The following ADGRL2 variants were observed in gnomAD, a reference collection of about 807,000 sequenced individuals.
ADGRL2 encodes adhesion G protein-coupled receptor L2, also known as calcium-independent alpha-latrotoxin receptor 2.
A neutral mutation model predicts 157.4 loss-of-function variants in ADGRL2; 44 were observed. The ratio of observed to expected loss-of-function variants is 0.28; its 90% CI spans 0.22 to 0.36. The LOEUF is 0.36. Among genes scored for constraint, ADGRL2 ranks in the 10% least tolerant of loss-of-function variants. The pLI is 1.00. For synonymous variants in ADGRL2, 585 were observed against 624.7 expected, an observed-to-expected ratio of 0.94 and a Z score of 0.95; for missense variants, 1,510 against 1,768.9, an observed-to-expected ratio of 0.85 and a Z score of 2.63.
intron 3 of ADGRL2, among the ~76,000 whole-genome samples, chr1:81,610,781 C>T (rs2081526087): frequency 1.3e-5 from 2 of 151,816 alleles, no homozygotes; most frequent in South Asian, 4.2e-4. Context: ...GGACATAGAG[C>T]CAATAGAACT....
intron 2 of ADGRL2, among the ~76,000 whole-genome samples, chr1:81,542,740 T>C (rs778023592): frequency 6.6e-6 from 1 of 152,210 alleles, no homozygotes; most frequent in Admixed American, 6.5e-5. Context: ...GAATGCCTAG[T>C]TAATAACCAG....
chr1:81,340,603 T>TTTG (rs1662002498), intron 1 of ADGRL2, among the ~76,000 whole-genome samples: 2 of 152,074 alleles, frequency 1.3e-5, no homozygotes, highest in African/African-American at 2.4e-5. Flanking sequence ...ATGATTAAAA[T>TTTG]TAAAAGTAAG....
upstream of ADGRL2, among the ~76,000 whole-genome samples, chr1:81,800,721 A>AGAGCGCGCGCCGGCG (rs2087915954): frequency 6.6e-6 from 1 of 151,754 alleles, no homozygotes. Flanking sequence ...GACAGGATGG[A>AGAGCGCGCGCCGGCG]GAGCGCGCGC....
rs560332450 is a variant in ADGRL2, at chr1:81,831,301, G to A, written c.-100-5584G>A. The stretch of plus-strand genomic sequence containing the variant: ...TTAGGCACTTTAGTAATATAAATGA[G>A]TAAATTAGGATAGCTCAACTGGAAA... On this transcript the variant is annotated intron_variant, in intron 1 of 23. Coordinates refer to ENST00000686636, the MANE Select transcript of ADGRL2 (RefSeq NM_001366006.2). 6.0e-4 allele frequency among the ~76,000 whole-genome samples: 91 copies of A among 152,256 alleles called. 3 individuals carry two copies. In the South Asian group the frequency reaches 0.018, roughly 31 times the overall value.
intron 2 of ADGRL2, among the ~76,000 whole-genome samples, chr1:81,775,075 T>C (rs548704390): frequency 6.6e-6 from 1 of 152,240 alleles, no homozygotes; most frequent in African/African-American, 2.4e-5. Flanking sequence ...TCGATATAAA[T>C]TGTGTGGTAA....
At chr1:81,600,601 G>A (rs2081315801) in intron 3 of ADGRL2, among the ~76,000 whole-genome samples, 1 of 152,238 alleles carries the variant, frequency 6.6e-6, no homozygotes, top group South Asian at 2.1e-4. Context: ...TAATAATTTA[G>A]AGACTAATAC....
chr1:81,563,804 A>G (rs1324962094), intron 2 of ADGRL2, among the ~76,000 whole-genome samples: 3 of 152,212 alleles, frequency 2.0e-5, no homozygotes, highest in African/African-American at 7.2e-5. Flanking sequence ...CTTCCTGTAC[A>G]AACATGTATG....
intron 1 of ADGRL2, among the ~76,000 whole-genome samples, chr1:81,832,106 T>C (rs1157725001): frequency 1.3e-5 from 2 of 152,174 alleles, no homozygotes; most frequent in Non-Finnish European, 2.9e-5. Flanking sequence ...TAAATGGCAG[T>C]CCTCTCCAAT....
chr1:81,319,938 TC>T (rs1660392511), intron 1 of ADGRL2, among the ~76,000 whole-genome samples: 1 of 152,320 alleles, frequency 6.6e-6, no homozygotes, highest in South Asian at 2.1e-4. Flanking sequence ...GATTGACTTT[TC>T]CTTTCATGCA....
intron 2 of ADGRL2, among the ~76,000 whole-genome samples, chr1:81,866,074 C>G (rs1055677891): frequency 2.6e-5 from 4 of 152,178 alleles, no homozygotes; most frequent in African/African-American, 7.2e-5. Context: ...TTTCTCAAGT[C>G]CATGGTTTAC....
intron 1 of ADGRL2, among the ~76,000 whole-genome samples, chr1:81,433,427 A>C (rs923102680): frequency 2.6e-5 from 4 of 152,176 alleles, no homozygotes; most frequent in African/African-American, 9.6e-5. Context: ...ATATTCCAAG[A>C]GAAGTGTGCC....
chr1:81,836,917 T>C lies in ADGRL2; in HGVS notation c.-68T>C. On this transcript the variant is annotated 5_prime_UTR_variant, in exon 2 of 24. Coordinates refer to ENST00000686636, the MANE Select transcript of ADGRL2 (RefSeq NM_001366006.2). ...GATCAATGATGCAGACTGATGGTTT[T>C]GATGAAGCTGGGCATTTATAACTAG... The C allele has an allele frequency of 1.1e-6, 1 of 893,458 alleles. No individual in the cohort carries two copies. The allele number at this position is 893,458 out of a possible 1,614,324, so 55.3% of individuals were successfully genotyped here. A position where few individuals can be genotyped will look rare whatever the true frequency, so the allele number is the denominator to read the frequency against.
chr1:81,756,265 CCTT>C lies in ADGRL2; in HGVS notation c.-142-5542_-142-5540del, dbSNP rs563334483. On this transcript the variant is annotated intron_variant, in intron 1 of 20. Transcript: ENST00000359929. Reference sequence around the variant, plus strand: ...CTAAGACCATTTCAAAGTACACTAACCTTCTTGAATATTTCTTGCACTTAGGAC... The same window carrying C: ...CTAAGACCATTTCAAAGTACACTAACCTTGAATATTTCTTGCACTTAGGAC... 3.3e-4 allele frequency among the ~76,000 whole-genome samples: 51 copies of C among 152,240 alleles called. 1 individual carries two copies. Among genetic ancestry groups the C allele is most frequent in the Non-Finnish European group, 5.9e-4 (40 of 68,020 alleles).
At chr1:81,516,778 C>T (rs771060416) in intron 2 of ADGRL2, among the ~76,000 whole-genome samples, 2 of 152,144 alleles carry the variant, frequency 1.3e-5, no homozygotes, top group East Asian at 1.9e-4. Context: ...TGTATAGACC[C>T]TGTGGGAAAA....
chr1:81,398,517 A>G (rs560279901), intron 1 of ADGRL2, among the ~76,000 whole-genome samples: 8 of 151,932 alleles, frequency 5.3e-5, no homozygotes, highest in Admixed American at 2.0e-4. Context: ...TGGTGTGATT[A>G]TCATCTTTTT....
intron 1 of ADGRL2, among the ~76,000 whole-genome samples, chr1:81,819,624 A>G (rs1327082621): frequency 6.6e-6 from 1 of 152,168 alleles, no homozygotes; most frequent in East Asian, 1.9e-4. Context: ...ATTATGCGAT[A>G]TTCAGGCTAC....
exon 1 of ADGRL2, chr1:81,306,175 T>G (rs1025825692): frequency 6.6e-6 from 1 of 152,210 alleles, no homozygotes; most frequent in Non-Finnish European, 1.5e-5. Context: ...TCTCTTTCTC[T>G]CTCCCTCTCT....
intron 2 of ADGRL2, among the ~76,000 whole-genome samples, chr1:81,766,847 G>GAAAAAAAAAAAAAAAGA (rs2086147737): frequency 2.4e-4 from 28 of 117,456 alleles, no homozygotes; most frequent in Middle Eastern, 4.4e-3. Flanking sequence ...AAAAAAAAAG[G>GAAAAAAAAAAAAAAAGA]AAAAAAAAAA....
chr1:81,393,796 C>T (rs976927000), intron 1 of ADGRL2, among the ~76,000 whole-genome samples: 16 of 149,090 alleles, frequency 1.1e-4, no homozygotes, highest in Non-Finnish European at 1.9e-4. Context: ...TGAACATCTA[C>T]TATGTTAATA....
Sources: gnomAD v4.1 joint callset for allele counts (sites outside exome capture counted in the v4.1 genomes callset) on GRCh38, gnomAD v4.1.1 for gene constraint, MANE v1.5 for transcripts, NCBI Gene and HGNC (gene_info 2026-07-23, HGNC 2026-07-21) for gene names.